Variants in GREB1L observed in about 807,000 individuals in gnomAD.
GREB1L encodes the protein GREB1 like retinoic acid receptor coactivator, also known as GREB1-like protein.
A neutral mutation model predicts 200.8 loss-of-function variants in GREB1L; 17 were observed. The ratio of observed to expected loss-of-function variants is 0.08; its 90% CI spans 0.06 to 0.13. The LOEUF is 0.13. Ranked by LOEUF, GREB1L falls within the 10% of genes least tolerant of loss-of-function variation. The probability of loss-of-function intolerance (pLI) is 1.00; values close to 1 mark genes in which losing one functional copy is unlikely to be tolerated. For missense variants in GREB1L, 1,657 were observed against 2,367.7 expected, an observed-to-expected ratio of 0.70 and a Z score of 6.23; for synonymous variants, 789 against 893.0, an observed-to-expected ratio of 0.88 and a Z score of 2.08.
chr18:21,384,221 T>C lies in GREB1L; in HGVS notation c.173T>C (p.Val58Ala). The change falls in exon 4 of 33, where the codon GTG (valine) becomes GCG (alanine). Residue 58 changes from valine to alanine, a missense_variant. Val to Ala is a moderately conservative substitution (Grantham distance 64, BLOSUM62 0). Around this residue, in one of 9 missense-constraint regions of GREB1L, gnomAD observed 121 missense variants for 126.6 expected, o/e 0.96. Coordinates refer to ENST00000424526, the MANE Select transcript of GREB1L (RefSeq NM_001142966.3). The part of the protein sequence containing the change: ...PFSSADVKPK[V>A]EDLDKDLVNR... ...GCTTACCCAGATGTCAAACCCAAGG[T>C]GGAGGATCTGGACAAAGATTTGGTA... 6.5e-7 allele frequency: 1 copy of C among 1,550,312 alleles called. No homozygotes were observed. The highest frequency in any genetic ancestry group is 8.7e-7 in the Non-Finnish European group (1 of 1,145,870).
At chr18:21,306,120 A>G (rs900043070) in intron 1 of GREB1L, among the ~76,000 whole-genome samples, 2 of 152,174 alleles carry the variant, frequency 1.3e-5, no homozygotes, top group African/African-American at 2.4e-5. Context: ...CATCCCCACT[A>G]GAATTATGCA....
rs185561204 is a variant in GREB1L at position 21,344,405 on chromosome 18, A to G, written c.-119-21622A>G. On this transcript the variant is annotated intron_variant, in intron 1 of 32. Coordinates refer to ENST00000424526, the MANE Select transcript of GREB1L (RefSeq NM_001142966.3). The stretch of plus-strand genomic sequence containing the variant: ...GACAGAGCAAAACTCTGTCTCAAAA[A>G]CAACAACAACAACAACAACAACAAC... Among the ~76,000 whole-genome samples the G allele has an allele frequency of 6.1e-3, 913 of 150,790 alleles. 3 individuals are homozygous for G. The highest frequency in any genetic ancestry group is 9.9e-3 in the Non-Finnish European group (667 of 67,710).
At chr18:21,249,546 T>C (rs1285929084) in intron 1 of GREB1L, among the ~76,000 whole-genome samples, 1 of 152,128 alleles carries the variant, frequency 6.6e-6, no homozygotes, top group Non-Finnish European at 1.5e-5. Flanking sequence ...CTGGGGATGC[T>C]GCAGGGAAGA....
chr18:21,363,462 T>C (rs1225817504), intron 1 of GREB1L: 2 of 151,952 alleles, frequency 1.3e-5, no homozygotes, highest in East Asian at 3.9e-4. Flanking sequence ...TGGCAATTGT[T>C]TTCTTTTTTG....
intron 7 of GREB1L, among the ~76,000 whole-genome samples, chr18:21,432,705 C>CTTTTTTTTTTTTTTTTTTTTTTTCT (rs11380208): frequency 1.1e-5 from 1 of 94,368 alleles, no homozygotes; most frequent in African/African-American, 4.6e-5. Context: ...TCTTTTTTTT[C>CTTTTTTTTTTTTTTTTTTTTTTTCT]TTTTTTTTTT....
At chr18:21,357,188 G>A (rs1290293570) in intron 1 of GREB1L, among the ~76,000 whole-genome samples, 1 of 152,100 alleles carries the variant, frequency 6.6e-6, no homozygotes, top group African/African-American at 2.4e-5. Context: ...CTGAGTAGCT[G>A]GGACTACAGG....
chr18:21,490,033 G>C lies in GREB1L; in HGVS notation c.2712G>C (p.Met904Ile), dbSNP rs752640761. ...GAAGGTACCCCAGGCTGCACAGCATGGTCGTCCGCTGCTATCTTCTCATCC... is the reference window on the plus strand; with the variant it reads ...GAAGGTACCCCAGGCTGCACAGCATCGTCGTCCGCTGCTATCTTCTCATCC... The part of the protein sequence containing the change: ...LLERYPRLHS[M>I]VVRCYLLIQQ... The change falls in exon 19 of 33, where the codon ATG (methionine) becomes ATC (isoleucine). Residue 904 changes from methionine to isoleucine, a missense_variant. Transcript: ENST00000424526. 24 of 1,551,540 alleles carry C rather than the reference G, an allele frequency of 1.5e-5. No homozygotes were observed. The highest frequency in any genetic ancestry group is 2.1e-5 in the Non-Finnish European group (24 of 1,147,012).
At chr18:21,431,974 G>T (rs2033190305) in intron 7 of GREB1L, among the ~76,000 whole-genome samples, 1 of 134,690 alleles carries the variant, frequency 7.4e-6, no homozygotes, top group Non-Finnish European at 1.5e-5. Flanking sequence ...CCAGGCTGGA[G>T]TGCAGTGGCA....
intron 1 of GREB1L, among the ~76,000 whole-genome samples, chr18:21,289,537 T>TC (rs143828172): frequency 0.022 from 3,288 of 150,130 alleles, 48 homozygotes; most frequent in African/African-American, 0.026. Context: ...AGTGAGACCA[T>TC]CCCCCCCCGC....
intron 1 of GREB1L, among the ~76,000 whole-genome samples, chr18:21,287,902 C>G (rs552254462): frequency 6.7e-6 from 1 of 148,874 alleles, no homozygotes; most frequent in East Asian, 2.0e-4. Context: ...TCAAGTGATT[C>G]TCTTGCCTCA....
At chr18:21,391,263 A>G (rs1326407434) in intron 4 of GREB1L, among the ~76,000 whole-genome samples, 2 of 152,170 alleles carry the variant, frequency 1.3e-5, no homozygotes, top group Non-Finnish European at 2.9e-5. Context: ...CTGTGTTTAC[A>G]TATGTTTAGA....
At chr18:21,459,577 G>A (rs1401532973) in intron 15 of GREB1L, among the ~76,000 whole-genome samples, 2 of 151,952 alleles carry the variant, frequency 1.3e-5, no homozygotes, top group East Asian at 1.9e-4. Flanking sequence ...GTGAGCCACC[G>A]CGCATGGCCG....
At chr18:21,340,871 A>C (rs2039260277) in intron 1 of GREB1L, among the ~76,000 whole-genome samples, 1 of 152,230 alleles carries the variant, frequency 6.6e-6, no homozygotes, top group Non-Finnish European at 1.5e-5. Context: ...AATATACATG[A>C]AAGAATTCTA....
At chr18:21,499,181 G>A (rs927740748) in intron 21 of GREB1L, among the ~76,000 whole-genome samples, 4 of 152,220 alleles carry the variant, frequency 2.6e-5, no homozygotes, top group African/African-American at 9.7e-5. Context: ...TCAGTCCCTA[G>A]AAGGAAGCCA....
chr18:21,486,874 AATTGATC>A (rs2036148698), intron 18 of GREB1L, among the ~76,000 whole-genome samples: 1 of 152,176 alleles, frequency 6.6e-6, no homozygotes, highest in Non-Finnish European at 1.5e-5. Flanking sequence ...GAATGGCTTT[AATTGATC>A]ATATTATTTA....
chr18:21,477,769 G>A (rs1207119442), intron 17 of GREB1L, among the ~76,000 whole-genome samples: 3 of 148,742 alleles, frequency 2.0e-5, no homozygotes, highest in Non-Finnish European at 3.0e-5. Flanking sequence ...CTGGGGGACA[G>A]AGCGAGACTC....
At chr18:21,329,438 G>T (rs2039073690) in intron 1 of GREB1L, among the ~76,000 whole-genome samples, 1 of 148,830 alleles carries the variant, frequency 6.7e-6, no homozygotes, top group African/African-American at 2.5e-5. Flanking sequence ...GAGTTTTTTT[G>T]TGAGCACTGG....
chr18:21,250,680 G>GTA (rs1392220279), intron 1 of GREB1L, among the ~76,000 whole-genome samples: 3 of 152,178 alleles, frequency 2.0e-5, no homozygotes, highest in Non-Finnish European at 4.4e-5. Flanking sequence ...AAGTTAACAT[G>GTA]TATATCTGTT....
At chr18:21,290,667 T>C (rs1209763416) in intron 1 of GREB1L, among the ~76,000 whole-genome samples, 1 of 151,932 alleles carries the variant, frequency 6.6e-6, no homozygotes, top group Non-Finnish European at 1.5e-5. Context: ...TACTAAAAAA[T>C]ACAAAAGTTG....
Sources: allele counts gnomAD v4.1 joint callset (sites outside exome capture counted in the v4.1 genomes callset), GRCh38; gene constraint gnomAD v4.1.1; regional missense constraint gnomAD v4.1.1; transcripts MANE v1.5; gene names NCBI Gene and HGNC (gene_info 2026-07-23, HGNC 2026-07-21).